C3orf52: variants seen among roughly 807,000 people sequenced by gnomAD.
C3orf52 encodes TPA-induced transmembrane protein.
Under a neutral mutation model 24.8 loss-of-function variants are expected in C3orf52, and 22 were observed. The observed-to-expected ratio is 0.89, with a 90% CI of 0.63 to 1.27. The LOEUF (loss-of-function observed/expected upper bound fraction) is 1.27. Among genes scored for constraint, C3orf52 ranks in the 50% most tolerant of loss-of-function variants. The pLI is 0.00. For synonymous variants in C3orf52, 93 were observed against 100.2 expected, an observed-to-expected ratio of 0.93 and a Z score of 0.43; for missense variants, 265 against 260.7, an observed-to-expected ratio of 1.02 and a Z score of -0.11.
At chr3:112,132,917 G>A, downstream of C3orf52, 2 of 605,844 alleles carry the variant, frequency 3.3e-6, no homozygotes, top group Admixed American at 6.8e-5. Context: ...AAACCTATGG[G>A]AAATTTAATG....
chr3:112,125,997 A>G (rs2074309050), intron 4 of C3orf52, among the ~76,000 whole-genome samples: 2 of 152,202 alleles, frequency 1.3e-5, no homozygotes, highest in South Asian at 2.1e-4. Context: ...GGAAGCTACC[A>G]TATGGTATAT....
chr3:112,128,216 T>A (rs565099248), intron 4 of C3orf52: 3 of 718,492 alleles, frequency 4.2e-6, no homozygotes, highest in Admixed American at 4.0e-5. Context: ...CATGGTAGAA[T>A]GCCTTTGTCT....
Position 112,113,117 on chromosome 3 carries a change from G to C in C3orf52, c.621G>C (p.Gly207=), listed in dbSNP as rs1369767274. Residue 207 remains glycine (G), a synonymous_variant, in exon 5 of 6, where the codon GGG becomes GGC. Coordinates refer to ENST00000264848, the MANE Select transcript of C3orf52 (RefSeq NM_024616.3). ...DQNIPGCESL[G]LDPTSLLLYE ...ATATACCTGGTTGTGAGAGTCTGGGGCTTGATCCAACATCCCTCTTGCTCT... is the reference window on the plus strand; with the variant it reads ...ATATACCTGGTTGTGAGAGTCTGGGCCTTGATCCAACATCCCTCTTGCTCT... 6.2e-6 allele frequency: 10 copies of C among 1,610,014 alleles called. No individual in the cohort carries two copies. In the South Asian group the frequency reaches 1.1e-4, roughly 18 times the overall value.
At chr3:112,120,938 T>C (rs2074184171), downstream of C3orf52, 1 of 152,216 alleles carries the variant, frequency 6.6e-6, no homozygotes, top group African/African-American at 2.4e-5. Context: ...TTTTTTGTTC[T>C]TAATATTATT....
intron 4 of C3orf52, among the ~76,000 whole-genome samples, chr3:112,110,630 T>C (rs2074071165): frequency 6.6e-6 from 1 of 152,166 alleles, no homozygotes; most frequent in African/African-American, 2.4e-5. Flanking sequence ...GTGTGTAGAG[T>C]CCATTTATTA....
At chr3:112,091,877 G>A (rs1294320718) in intron 1 of C3orf52, among the ~76,000 whole-genome samples, 1 of 152,194 alleles carries the variant, frequency 6.6e-6, no homozygotes, top group Non-Finnish European at 1.5e-5. Flanking sequence ...GGTGGCGGGC[G>A]CCTGTAGTCC....
intron 2 of C3orf52, among the ~76,000 whole-genome samples, chr3:112,094,133 T>C (rs2073904929): frequency 6.6e-6 from 1 of 152,190 alleles, no homozygotes; most frequent in African/African-American, 2.4e-5. Flanking sequence ...TAGCTGGAAT[T>C]ATAGGCATGT....
intron 3 of C3orf52, among the ~76,000 whole-genome samples, chr3:112,104,792 C>A (rs1271322393): frequency 1.3e-5 from 2 of 152,232 alleles, no homozygotes; most frequent in South Asian, 4.2e-4. Flanking sequence ...CTCACCCCCA[C>A]CACCTTTTCC....
At chr3:112,130,612 G>A (rs1350098750), downstream of C3orf52, 8 of 1,039,394 alleles carry the variant, frequency 7.7e-6, no homozygotes, top group Admixed American at 6.8e-5. Flanking sequence ...TGCTATTTGT[G>A]TGTAACTCAG....
chr3:112,129,212 A>C (rs991305245), downstream of C3orf52: 2 of 152,242 alleles, frequency 1.3e-5, no homozygotes, highest in Non-Finnish European at 2.9e-5. Flanking sequence ...CCAAGTTAAC[A>C]AACCAGATTC....
chr3:112,125,721 C>T (rs534081595), intron 4 of C3orf52, among the ~76,000 whole-genome samples: 2 of 152,168 alleles, frequency 1.3e-5, no homozygotes, highest in East Asian at 1.9e-4. Context: ...AGCAGAGGGC[C>T]GTCGTTTCTA....
intron 5 of C3orf52, among the ~76,000 whole-genome samples, chr3:112,114,017 AG>A (rs2074111153): frequency 6.6e-6 from 1 of 152,222 alleles, no homozygotes; most frequent in South Asian, 2.1e-4. Flanking sequence ...CCACATGAGT[AG>A]GTTCTCAGTA....
At chr3:112,091,703 A>G (rs2107774529) in intron 1 of C3orf52, among the ~76,000 whole-genome samples, 1 of 151,130 alleles carries the variant, frequency 6.6e-6, no homozygotes, top group Admixed American at 6.6e-5. Context: ...GGCCAGCACC[A>G]AAATAAGAAT....
intron 2 of C3orf52, among the ~76,000 whole-genome samples, chr3:112,097,905 T>C (rs528988196): frequency 1.8e-4 from 28 of 152,320 alleles, no homozygotes; most frequent in African/African-American, 5.3e-4. Context: ...TAGTGTTCCA[T>C]TATTGGAATG....
chr3:112,132,987 T>G, downstream of C3orf52: 1 of 1,143,028 alleles, frequency 8.7e-7, no homozygotes, highest in Non-Finnish European at 1.3e-6. Context: ...AACTACTTTC[T>G]ACCCCAACTT....
At chr3:112,126,028 C>A (rs1178846372) in intron 4 of C3orf52, among the ~76,000 whole-genome samples, 1 of 152,196 alleles carries the variant, frequency 6.6e-6, no homozygotes, top group Non-Finnish European at 1.5e-5. Flanking sequence ...TCTCTCGGTC[C>A]TCACATCCTG....
chr3:112,100,050 C>T (rs976165360), intron 2 of C3orf52, among the ~76,000 whole-genome samples: 1 of 152,176 alleles, frequency 6.6e-6, no homozygotes, highest in Admixed American at 6.5e-5. Context: ...CTATCCTGGG[C>T]TTTCTCATTA....
Position 112,125,617 on chromosome 3 carries a change from A to T in C3orf52, c.*47-2616A>T, listed in dbSNP as rs536053882. 1.1e-4 allele frequency among the ~76,000 whole-genome samples: 17 copies of T among 152,270 alleles called. 1 individual carries two copies. The South Asian group carries it at 3.5e-3, about 32-fold the overall frequency. ...AGTGCCTCTGCACCAGGCACTGGGG[A>T]GACAAAGGAGAATCAGAAACATTCT... On this transcript the variant is annotated intron_variant, in intron 4 of 4. Transcript: ENST00000480282.
chr3:112,105,342 G>A (rs115662407), intron 3 of C3orf52, among the ~76,000 whole-genome samples: 1,953 of 152,204 alleles, frequency 0.013, 39 homozygotes, highest in African/African-American at 0.044. Flanking sequence ...CCCTTCATTC[G>A]TCAACCAAAT....
Sources: gnomAD v4.1 joint callset for allele counts (sites outside exome capture counted in the v4.1 genomes callset) on GRCh38, gnomAD v4.1.1 for gene constraint, MANE v1.5 for transcripts, NCBI Gene and HGNC (gene_info 2026-07-23, HGNC 2026-07-21) for gene names.